PLPP4: variants seen among roughly 807,000 people sequenced by gnomAD.
PLPP4 encodes the protein phospholipid phosphatase 4.
In PLPP4, 20 loss-of-function variants were observed where a neutral mutation model predicts 32.2. That is an observed-to-expected ratio of 0.62 (90% confidence interval 0.44 to 0.90). The LOEUF is 0.90. PLPP4 is among the 40% of genes least tolerant of loss of function. The probability of loss-of-function intolerance (pLI) is 0.00; values close to 1 mark genes in which losing one functional copy is unlikely to be tolerated. For missense variants in PLPP4, 257 were observed against 353.1 expected (o/e 0.73, Z 2.18); for synonymous variants, 127 against 133.0 (o/e 0.95, Z 0.31).
intron 2 of PLPP4, among the ~76,000 whole-genome samples, chr10:120,511,963 G>A (rs1160489008): frequency 1.3e-5 from 2 of 151,926 alleles, no homozygotes; most frequent in African/African-American, 2.4e-5. Context: ...GCGTGGTGGC[G>A]GGCGCCTGTA....
Position 120,521,037 on chromosome 10 carries a change from A to G in PLPP4, c.387A>G (p.Thr129=), listed in dbSNP as rs1846131259. Residue 129 remains threonine, a synonymous_variant, in exon 5 of 7, where the codon ACA becomes ACG. Coordinates refer to ENST00000398250, the MANE Select transcript of PLPP4 (RefSeq NM_001030059.3). ...TGATGAACTCGGAAATGCATTGCACAGGTGACCCCGATCTGGTGTCCGAGG... is the reference window on the plus strand; with the variant it reads ...TGATGAACTCGGAAATGCATTGCACGGGTGACCCCGATCTGGTGTCCGAGG... ...DGVMNSEMHC[T]GDPDLVSEGR... 1.9e-6 allele frequency: 3 copies of G among 1,614,098 alleles called. No homozygotes were observed. The highest frequency in any genetic ancestry group is 2.2e-5 in the East Asian group (1 of 44,868).
At chr10:120,460,781 T>C (rs41387648) in intron 1 of PLPP4, among the ~76,000 whole-genome samples, 15,414 of 152,194 alleles carry the variant, frequency 0.1, 1,364 homozygotes, top group African/African-American at 0.24. Flanking sequence ...GCAAAAGGTA[T>C]TCCATGTGAT....
At chr10:120,545,825 C>T (rs1055721336) in intron 5 of PLPP4, among the ~76,000 whole-genome samples, 2 of 152,130 alleles carry the variant, frequency 1.3e-5, no homozygotes, top group African/African-American at 2.4e-5. Flanking sequence ...CAAGGAGATT[C>T]ACATTTGAGT....
chr10:120,479,229 A>T (rs1457344884), intron 1 of PLPP4, among the ~76,000 whole-genome samples: 2 of 151,742 alleles, frequency 1.3e-5, no homozygotes, highest in Admixed American at 1.3e-4. Context: ...CCATCTCAAA[A>T]CAAAACAAAA....
At chr10:120,504,836 G>T (rs1029153254) in intron 2 of PLPP4, among the ~76,000 whole-genome samples, 2 of 152,156 alleles carry the variant, frequency 1.3e-5, no homozygotes, top group Admixed American at 6.5e-5. Flanking sequence ...CCTCTGTTCT[G>T]GTTTTAGCTG....
intron 5 of PLPP4, 45 bp downstream of exon 5, chr10:120,521,140 C>T: frequency 2.5e-6 from 4 of 1,606,392 alleles, no homozygotes; most frequent in Non-Finnish European, 3.4e-6. Flanking sequence ...AGTCATGTTT[C>T]CTGCTCACTG....
chr10:120,568,351 G>A (rs1166346016), intron 5 of PLPP4, among the ~76,000 whole-genome samples: 1 of 152,214 alleles, frequency 6.6e-6, no homozygotes, highest in Non-Finnish European at 1.5e-5. Context: ...CAAACCCTGA[G>A]ACAGGTTGTA....
At chr10:120,562,183 T>C (rs1364454829) in intron 5 of PLPP4, among the ~76,000 whole-genome samples, 1 of 152,196 alleles carries the variant, frequency 6.6e-6, no homozygotes, top group Non-Finnish European at 1.5e-5. Context: ...TGGTGTTTTA[T>C]ATTCTTATTG....
At chr10:120,503,539 C>G in intron 1 of PLPP4, 4 of 1,598,254 alleles carry the variant, frequency 2.5e-6, no homozygotes, top group Non-Finnish European at 3.4e-6. Context: ...TTTGGAACCC[C>G]AAGTCCTTGG....
At chr10:120,502,646 C>T (rs892681511) in intron 1 of PLPP4, among the ~76,000 whole-genome samples, 3 of 152,148 alleles carry the variant, frequency 2.0e-5, no homozygotes, top group South Asian at 2.1e-4. Context: ...AAGCTGCAAA[C>T]AGCACATGCT....
intron 2 of PLPP4, among the ~76,000 whole-genome samples, chr10:120,509,910 C>T (rs1479856151): frequency 6.6e-6 from 1 of 152,104 alleles, no homozygotes; most frequent in Non-Finnish European, 1.5e-5. Context: ...TGTTTACTTT[C>T]TAGGGTAGGA....
intron 5 of PLPP4, among the ~76,000 whole-genome samples, chr10:120,543,177 A>G (rs1488011195): frequency 6.6e-6 from 1 of 152,162 alleles, no homozygotes; most frequent in Non-Finnish European, 1.5e-5. Context: ...ATCACAGGGG[A>G]TAGAGCCGGG....
At chr10:120,517,165 G>A (rs1374999687) in intron 3 of PLPP4, among the ~76,000 whole-genome samples, 1 of 152,180 alleles carries the variant, frequency 6.6e-6, no homozygotes, top group Non-Finnish European at 1.5e-5. Context: ...TAGGGAATTG[G>A]CTAGGGATGC....
At chr10:120,491,957 C>T (rs1844743224) in intron 1 of PLPP4, among the ~76,000 whole-genome samples, 1 of 152,142 alleles carries the variant, frequency 6.6e-6, no homozygotes, top group Admixed American at 6.5e-5. Flanking sequence ...AAATAAGGTC[C>T]ACACATATTT....
chr10:120,533,958 A>G (rs1474496094), intron 5 of PLPP4, among the ~76,000 whole-genome samples: 1 of 152,190 alleles, frequency 6.6e-6, no homozygotes, highest in Non-Finnish European at 1.5e-5. Flanking sequence ...GCAATTACAT[A>G]TGTATCATTC....
At chr10:120,557,721 G>T (rs1019891918) in intron 5 of PLPP4, among the ~76,000 whole-genome samples, 13 of 152,152 alleles carry the variant, frequency 8.5e-5, no homozygotes, top group Non-Finnish European at 1.8e-4. Flanking sequence ...CATGTGTAGC[G>T]TATGCCCTGT....
chr10:120,542,730 C>T (rs10749377), intron 5 of PLPP4, among the ~76,000 whole-genome samples: 84,548 of 152,124 alleles, frequency 0.56, 24,402 homozygotes, highest in Non-Finnish European at 0.65. Context: ...TGAGTAATTA[C>T]GTGGTAAAAG....
At chr10:120,543,028 T>C (rs1393680157) in intron 5 of PLPP4, among the ~76,000 whole-genome samples, 1 of 152,220 alleles carries the variant, frequency 6.6e-6, no homozygotes, top group African/African-American at 2.4e-5. Context: ...GTGTGTAGCC[T>C]GACACCCATC....
chr10:120,539,907 C>T (rs1847253638), intron 5 of PLPP4, among the ~76,000 whole-genome samples: 1 of 151,578 alleles, frequency 6.6e-6, no homozygotes. Flanking sequence ...TTTGTGCCTA[C>T]CTAATAACAG....
Sources: allele counts gnomAD v4.1 joint callset (sites outside exome capture counted in the v4.1 genomes callset), GRCh38; gene constraint gnomAD v4.1.1; transcripts MANE v1.5; gene names NCBI Gene and HGNC (gene_info 2026-07-23, HGNC 2026-07-21).